ZNRF2: variants seen among roughly 807,000 people sequenced by gnomAD.
ZNRF2 encodes the protein E3 ubiquitin-protein ligase ZNRF2.
In ZNRF2, 16 loss-of-function variants were observed where a neutral mutation model predicts 20.4. The observed-to-expected ratio is 0.79, with a 90% CI of 0.53 to 1.19. The LOEUF is 1.19. Among genes scored for constraint, ZNRF2 ranks in the 50% most tolerant of loss-of-function variants. The probability of loss-of-function intolerance (pLI) is 0.00; values close to 1 mark genes in which losing one functional copy is unlikely to be tolerated. For synonymous variants in ZNRF2, 178 were observed against 144.9 expected, an observed-to-expected ratio of 1.23 and a Z score of -1.64; for missense variants, 363 against 332.4, an observed-to-expected ratio of 1.09 and a Z score of -0.72.
chr7:30,288,328 G>T lies in ZNRF2; in HGVS notation c.469+2502G>T, dbSNP rs185419426. ...TAGTGGAAAGTTCGTATTGTTTTTT[G>T]TAAAACTGTTGTTTTAATTGTTGTT... On this transcript the variant is annotated intron_variant, in intron 1 of 4. Coordinates refer to ENST00000323037, the MANE Select transcript of ZNRF2 (RefSeq NM_147128.4). Among the ~76,000 whole-genome samples the T allele has an allele frequency of 1.8e-3, 267 of 152,258 alleles. 1 individual carries two copies. The highest frequency in any genetic ancestry group is 6.2e-3 in the African/African-American group (257 of 41,566).
chr7:30,327,449 A>G (rs1487716545), intron 2 of ZNRF2, among the ~76,000 whole-genome samples: 1 of 152,062 alleles, frequency 6.6e-6, no homozygotes, highest in East Asian at 1.9e-4. Context: ...GATATTTGAC[A>G]GTTCTTAATT....
intron 3 of ZNRF2, among the ~76,000 whole-genome samples, chr7:30,359,224 A>T (rs1357026170): frequency 6.6e-6 from 1 of 152,184 alleles, no homozygotes; most frequent in African/African-American, 2.4e-5. Context: ...TTGGTAGAGA[A>T]TTATTTTTTG....
intron 2 of ZNRF2, among the ~76,000 whole-genome samples, chr7:30,336,315 G>T (rs1025570243): frequency 1.3e-5 from 2 of 149,590 alleles, no homozygotes; most frequent in African/African-American, 5.1e-5. Context: ...GTGGCCATAA[G>T]TATCTTCTCA....
intron 1 of ZNRF2, among the ~76,000 whole-genome samples, chr7:30,300,980 A>C (rs1182704758): frequency 6.6e-6 from 1 of 152,220 alleles, no homozygotes; most frequent in Non-Finnish European, 1.5e-5. Context: ...AGCCTTGTGC[A>C]AGAGGAGCCT....
At chr7:30,327,733 C>G (rs566752588) in intron 2 of ZNRF2, among the ~76,000 whole-genome samples, 2 of 151,656 alleles carry the variant, frequency 1.3e-5, no homozygotes, top group African/African-American at 2.4e-5. Context: ...CTGTGTTGCC[C>G]GGGCTGGAGC....
chr7:30,362,137 T>A (rs1319109788), intron 3 of ZNRF2, among the ~76,000 whole-genome samples: 1 of 152,222 alleles, frequency 6.6e-6, no homozygotes, highest in Non-Finnish European at 1.5e-5. Flanking sequence ...CTTTTGGAAG[T>A]AGTTCTGTTT....
At chr7:30,337,897 C>T (rs1470715427) in intron 2 of ZNRF2, among the ~76,000 whole-genome samples, 1 of 152,064 alleles carries the variant, frequency 6.6e-6, no homozygotes, top group Non-Finnish European at 1.5e-5. Context: ...AGAGAGGTAG[C>T]CAGTACTACC....
chr7:30,288,422 T>A (rs1316273243), intron 1 of ZNRF2, among the ~76,000 whole-genome samples: 1 of 152,226 alleles, frequency 6.6e-6, no homozygotes, highest in South Asian at 2.1e-4. Flanking sequence ...TCTTGTGAGC[T>A]CTCATGTAAT....
rs932101698 is a variant in ZNRF2 at position 30,327,373 on chromosome 7, A to G, written c.565+3636A>G. The stretch of plus-strand genomic sequence containing the variant: ...TTCAATCTTCTGCATATGGCTAGCT[A>G]GTTATCCCAGCACCATTTATTGAAT... On this transcript the variant is annotated intron_variant, in intron 2 of 4. Coordinates refer to ENST00000323037, the MANE Select transcript of ZNRF2 (RefSeq NM_147128.4). 5.7e-4 allele frequency among the ~76,000 whole-genome samples: 87 copies of G among 152,198 alleles called. 1 individual carries two copies. The highest frequency in any genetic ancestry group is 1.9e-3 in the African/African-American group (80 of 41,530).
intron 2 of ZNRF2, among the ~76,000 whole-genome samples, chr7:30,349,580 AAATT>A (rs956392694): frequency 6.6e-5 from 10 of 151,408 alleles, no homozygotes; most frequent in Non-Finnish European, 1.0e-4. Flanking sequence ...ACTAAACTGT[AAATT>A]AAAAAAAAAA....
intron 1 of ZNRF2, among the ~76,000 whole-genome samples, chr7:30,298,047 T>C (rs2128056929): frequency 6.6e-6 from 1 of 152,236 alleles, no homozygotes; most frequent in Non-Finnish European, 1.5e-5. Flanking sequence ...CGTGATCTTA[T>C]AACTCTTTTG....
intron 1 of ZNRF2, among the ~76,000 whole-genome samples, chr7:30,319,172 C>T (rs528216758): frequency 6.6e-6 from 1 of 151,904 alleles, no homozygotes; most frequent in Non-Finnish European, 1.5e-5. Context: ...CAGAGTCTTA[C>T]CCTGTTGCCC....
intron 1 of ZNRF2, among the ~76,000 whole-genome samples, chr7:30,322,754 T>C (rs1370644589): frequency 6.6e-6 from 1 of 152,012 alleles, no homozygotes; most frequent in African/African-American, 2.4e-5. Flanking sequence ...GCTATCTGGG[T>C]TCAGGTTTCC....
intron 1 of ZNRF2, among the ~76,000 whole-genome samples, chr7:30,286,213 G>A (rs958653032): frequency 6.6e-6 from 1 of 152,152 alleles, no homozygotes; most frequent in African/African-American, 2.4e-5. Context: ...GTTCTATCTG[G>A]GGACTCGAGT....
chr7:30,346,319 G>A (rs1319656339), intron 2 of ZNRF2, among the ~76,000 whole-genome samples: 2 of 151,110 alleles, frequency 1.3e-5, no homozygotes, highest in Non-Finnish European at 3.0e-5. Context: ...TCAGCCTCCT[G>A]AGTAGCTAGG....
intron 1 of ZNRF2, among the ~76,000 whole-genome samples, chr7:30,318,846 T>TG (rs1453395399): frequency 6.6e-6 from 1 of 152,208 alleles, no homozygotes; most frequent in African/African-American, 2.4e-5. Context: ...GTGTGTTGGC[T>TG]CACGCCTGCA....
chr7:30,338,423 G>GCC lies in ZNRF2; in HGVS notation c.565+14694_565+14695dup, dbSNP rs561416268. On this transcript the variant is annotated intron_variant, in intron 2 of 4. Transcript: ENST00000323037. The stretch of plus-strand genomic sequence containing the variant: ...ATCTCCTAATGCTGTCCCTCCCCTA[G>GCC]CCCCCCCCCACCCCCCAACAGGCCC... Among the ~76,000 whole-genome samples, 18 of 36,086 alleles carry GCC rather than the reference G, an allele frequency of 5.0e-4. No homozygotes were observed. The East Asian group carries it at 5.6e-3, about 11-fold the overall frequency. 23.7% of individuals were successfully genotyped at this position (36,086 alleles called of 152,430 possible).
At chr7:30,322,666 CA>C (rs5883237) in intron 1 of ZNRF2, among the ~76,000 whole-genome samples, 28,774 of 145,114 alleles carry the variant, frequency 0.2, 2,866 homozygotes, top group South Asian at 0.25. Context: ...ATCATATTTC[CA>C]AAAAAAAAAA....
chr7:30,300,049 G>T (rs1799086629), intron 1 of ZNRF2, among the ~76,000 whole-genome samples: 1 of 151,906 alleles, frequency 6.6e-6, no homozygotes, highest in Non-Finnish European at 1.5e-5. Context: ...CTCCCAAAGT[G>T]CAGGGATTAC....
Sources: gnomAD v4.1 joint callset for allele counts (sites outside exome capture counted in the v4.1 genomes callset) on GRCh38, gnomAD v4.1.1 for gene constraint, MANE v1.5 for transcripts, NCBI Gene and HGNC (gene_info 2026-07-23, HGNC 2026-07-21) for gene names.